The following DPP6 variants were observed in gnomAD, a reference collection of about 807,000 sequenced individuals.
The protein encoded by DPP6 is dipeptidyl peptidase like 6, also known as A-type potassium channel modulatory protein DPP6.
A neutral mutation model predicts 122.6 loss-of-function variants in DPP6; 69 were observed. That is an observed-to-expected ratio of 0.56 (90% CI 0.46 to 0.69). The LOEUF is 0.69. Among genes scored for constraint, DPP6 ranks in the 30% least tolerant of loss-of-function variants. The pLI is 0.00. For missense variants in DPP6, 928 were observed against 1,116.9 expected (o/e 0.83, Z 2.41); for synonymous variants, 418 against 433.1 (o/e 0.97, Z 0.43).
chr7:154,734,584 G>T (rs1424049182), intron 8 of DPP6, among the ~76,000 whole-genome samples: 3 of 152,206 alleles, frequency 2.0e-5, no homozygotes, highest in African/African-American at 7.2e-5. Flanking sequence ...TAGATCTGTA[G>T]TTATTTGGAC....
chr7:154,435,809 A>G (rs567032513), intron 1 of DPP6, among the ~76,000 whole-genome samples: 2 of 152,364 alleles, frequency 1.3e-5, no homozygotes, highest in South Asian at 4.1e-4. Flanking sequence ...AAAGAAATTT[A>G]TGTCAGAGCT....
At chr7:154,793,281 G>A (rs11980477) in intron 10 of DPP6, among the ~76,000 whole-genome samples, 93,569 of 151,952 alleles carry the variant, frequency 0.62, 28,977 homozygotes, top group East Asian at 0.76. Context: ...ACCTGGGGAT[G>A]GTCTTTTTGG....
intron 7 of DPP6, among the ~76,000 whole-genome samples, chr7:154,685,451 C>T (rs181347234): frequency 7.0e-4 from 106 of 152,268 alleles, no homozygotes; most frequent in African/African-American, 2.1e-3. Context: ...GGGGCCTGGG[C>T]GTCAGGGTAT....
At chr7:154,805,076 C>T (rs1284432894) in intron 15 of DPP6, 112 bp downstream of exon 15, 3 of 1,403,168 alleles carry the variant, frequency 2.1e-6, no homozygotes, top group Admixed American at 2.1e-5. Context: ...AGACAGACCC[C>T]ACCACAGAGG....
chr7:154,652,836 C>A (rs1172891448), intron 6 of DPP6, among the ~76,000 whole-genome samples: 1 of 151,994 alleles, frequency 6.6e-6, no homozygotes, highest in South Asian at 2.1e-4. Context: ...TATGGGCAAA[C>A]TCCCTGAGTC....
At chr7:154,248,830 C>A (rs983216190) in intron 1 of DPP6, among the ~76,000 whole-genome samples, 5 of 151,712 alleles carry the variant, frequency 3.3e-5, no homozygotes, top group African/African-American at 1.2e-4. Flanking sequence ...TGCGCCACTG[C>A]ACTCCAGCCT....
At chr7:154,281,551 C>T (rs1192948662) in intron 1 of DPP6, among the ~76,000 whole-genome samples, 1 of 152,120 alleles carries the variant, frequency 6.6e-6, no homozygotes, top group East Asian at 1.9e-4. Context: ...AATTTACATA[C>T]CTTGTGACTC....
intron 1 of DPP6, among the ~76,000 whole-genome samples, chr7:154,003,237 T>C (rs1311224228): frequency 6.6e-6 from 1 of 152,152 alleles, no homozygotes; most frequent in Non-Finnish European, 1.5e-5. Context: ...TACGAAGCAG[T>C]CTAGTGGCTA....
rs1587203815 is a variant in DPP6 at position 154,807,120 on chromosome 7, C to T, written c.1666+8C>T. The T allele has an allele frequency of 3.1e-6, 5 of 1,611,652 alleles. No homozygotes were observed. Among genetic ancestry groups the T allele is most frequent in the South Asian group, 1.1e-5 (1 of 91,014 alleles). ...TCCTGCTCAAGTGCGAAGGTCAGCT[C>T]CTGCCACCCCGTCAGGGCAAAGAGC... On this transcript the variant is annotated splice_region_variant and intron_variant, in intron 16 of 25. Transcript: ENST00000377770.
intron 18 of DPP6, among the ~76,000 whole-genome samples, chr7:154,869,852 C>T (rs1277916289): frequency 6.8e-6 from 1 of 147,850 alleles, no homozygotes; most frequent in Non-Finnish European, 1.5e-5. Context: ...CCCCCACCCC[C>T]ACCCCTGCCC....
At chr7:154,584,553 G>T (rs1832307517) in intron 5 of DPP6, among the ~76,000 whole-genome samples, 2 of 152,238 alleles carry the variant, frequency 1.3e-5, no homozygotes, top group Admixed American at 6.5e-5. Flanking sequence ...CGGTTTCAGG[G>T]CCGCTCCCAG....
chr7:154,572,927 G>T (rs572965013), intron 5 of DPP6, among the ~76,000 whole-genome samples: 55 of 151,684 alleles, frequency 3.6e-4, no homozygotes, highest in African/African-American at 1.3e-3. Flanking sequence ...TGATCCACCC[G>T]CCTCGGCCTC....
chr7:153,887,748 A>C lies in DPP6; in HGVS notation c.51+14A>C, dbSNP rs368684179. The C allele has an allele frequency of 1.9e-6, 3 of 1,612,782 alleles. No individual in the cohort carries two copies. In the East Asian group the frequency reaches 6.7e-5, roughly 36 times the overall value. On this transcript the variant is annotated intron_variant, in intron 1 of 25. Transcript: ENST00000404039. ...GGGAACGTGATGGTGAGTGCCACGGACAGGGCGCGCGCTGGGTCGGGGGGA... is the reference window on the plus strand; with the variant it reads ...GGGAACGTGATGGTGAGTGCCACGGCCAGGGCGCGCGCTGGGTCGGGGGGA...
At chr7:153,895,641 C>G (rs1326014940) in intron 1 of DPP6, among the ~76,000 whole-genome samples, 1 of 146,440 alleles carries the variant, frequency 6.8e-6, no homozygotes, top group Non-Finnish European at 1.5e-5. Context: ...GACACAAAAT[C>G]TAGAGCATTC....
At chr7:154,157,401 G>A (rs950808965) in intron 1 of DPP6, among the ~76,000 whole-genome samples, 1 of 152,176 alleles carries the variant, frequency 6.6e-6, no homozygotes, top group African/African-American at 2.4e-5. Flanking sequence ...CTGAGAATGG[G>A]AAGTCATTCT....
chr7:153,866,608 G>T, the DPP6 span, among the ~76,000 whole-genome samples: 5 of 151,884 alleles, frequency 3.3e-5, no homozygotes, highest in Admixed American at 1.3e-4. Flanking sequence ...TTGCCTGTTC[G>T]CTCTGATGGT....
At chr7:154,503,703 T>A (rs1825436682) in intron 3 of DPP6, among the ~76,000 whole-genome samples, 1 of 152,204 alleles carries the variant, frequency 6.6e-6, no homozygotes, top group South Asian at 2.1e-4. Flanking sequence ...GTGTAAAGGT[T>A]CCACAGATGT....
chr7:153,879,685 G>A, the DPP6 span, among the ~76,000 whole-genome samples: 4 of 152,072 alleles, frequency 2.6e-5, no homozygotes, highest in Non-Finnish European at 4.4e-5. Flanking sequence ...CACTGTGCCT[G>A]GTCCAAAATA....
intron 1 of DPP6, among the ~76,000 whole-genome samples, chr7:154,111,289 A>C (rs1325640868): frequency 6.6e-6 from 1 of 152,208 alleles, no homozygotes; most frequent in Non-Finnish European, 1.5e-5. Context: ...CACAGGCTGG[A>C]TTGGGTGGTG....
Sources: allele counts gnomAD v4.1 joint callset (sites outside exome capture counted in the v4.1 genomes callset), GRCh38; gene constraint gnomAD v4.1.1; transcripts MANE v1.5; gene names NCBI Gene and HGNC (gene_info 2026-07-23, HGNC 2026-07-21).